Variants in PCDHGB1 observed in about 807,000 individuals in gnomAD.
PCDHGB1 encodes the protein protocadherin gamma-B1.
PCDHGB1 carries 34 observed loss-of-function variants against 56.6 expected under a neutral mutation model. The observed-to-expected ratio is 0.60, with a 90% CI of 0.46 to 0.80. The LOEUF is 0.80. Ranked by LOEUF, PCDHGB1 falls within the 30% of genes least tolerant of loss-of-function variation. PCDHGB1 has a pLI of 0.00. For missense variants in PCDHGB1, 1,278 were observed against 1,204.6 expected (o/e 1.06, Z -0.90); for synonymous variants, 561 against 505.9 (o/e 1.11, Z -1.46).
intron 1 of PCDHGB1, chr5:141,372,537 C>T: frequency 1.2e-6 from 2 of 1,614,046 alleles, no homozygotes; most frequent in Non-Finnish European, 1.7e-6. Flanking sequence ...CTCCCTGCGC[C>T]TGCGATGCTC....
intron 1 of PCDHGB1, chr5:141,366,800 C>G (rs1243230147): frequency 1.3e-6 from 2 of 1,565,118 alleles, no homozygotes; most frequent in African/African-American, 2.7e-5. Flanking sequence ...TCATTTGTTT[C>G]CTTTTTCATG....
intron 1 of PCDHGB1, among the ~76,000 whole-genome samples, chr5:141,426,099 G>A (rs1590666889): frequency 1.3e-5 from 2 of 152,348 alleles, no homozygotes; most frequent in African/African-American, 4.8e-5. Context: ...ATTCTGTTCA[G>A]TCACAGAAGC....
At position 141,388,141 on chromosome 5, in the gene PCDHGB1, T is replaced by C. The variant is rs1239201119; in HGVS notation, c.2409+35472T>C. On this transcript the variant is annotated intron_variant, in intron 1 of 3. Transcript: ENST00000523390. ...AGCGCAGAGAGCGGGGAGTTGCTTG[T>C]GAGCAGCAGGCTAGACAGGGAGGAG... 6.9e-7 allele frequency: 1 copy of C among 1,456,446 alleles called. No individual in the cohort carries two copies. The highest frequency in any genetic ancestry group is 2.3e-4 in the Middle Eastern group (1 of 4,348). The allele number at this position is 1,456,446 out of a possible 1,614,324, so 90.2% of individuals were successfully genotyped here. A position where few individuals can be genotyped will look rare whatever the true frequency, so the allele number is the denominator to read the frequency against.
intron 1 of PCDHGB1, among the ~76,000 whole-genome samples, chr5:141,463,911 T>C (rs749224024): frequency 6.6e-6 from 1 of 152,156 alleles, no homozygotes; most frequent in African/African-American, 2.4e-5. Context: ...TAATAATATA[T>C]CCTGGAAATC....
At position 141,403,830 on chromosome 5, in the gene PCDHGB1, A is replaced by G. The variant is rs763794433; in HGVS notation, c.2409+51161A>G. On this transcript the variant is annotated intron_variant, in intron 1 of 3. Coordinates refer to ENST00000523390, the MANE Select transcript of PCDHGB1 (RefSeq NM_018922.3). ...AATGAAAAACAATCTCTGCTATTCC[A>G]GCTTAATGAAAATACTGGGGAAATA... The G allele has an allele frequency of 3.7e-6, 6 of 1,613,754 alleles. No individual in the cohort carries two copies. In the Admixed American group the frequency reaches 5.0e-5, roughly 13 times the overall value.
In PCDHGB1 at chr5:141,511,032, G is replaced by A; in HGVS notation, c.2643G>A (p.Gln881=). 1.2e-6 allele frequency: 2 copies of A among 1,614,228 alleles called. No homozygotes were observed. The highest frequency in any genetic ancestry group is 2.2e-5 in the East Asian group (1 of 44,888). The change falls in exon 4 of 4, where the codon CAG becomes CAA. Residue 881 remains glutamine, a synonymous_variant. Transcript: ENST00000523390. Reference sequence around the variant, plus strand: ...GCTACGGACCCCAGTTCACCCTGCAGCACGTGCCCGACTACCGCCAGAATG... The same window carrying A: ...GCTACGGACCCCAGTTCACCCTGCAACACGTGCCCGACTACCGCCAGAATG... ...SARYGPQFTL[Q]HVPDYRQNVY...
In PCDHGB1 at chr5:141,421,624, A is replaced by G; in HGVS notation, c.2409+68955A>G. On this transcript the variant is annotated intron_variant, in intron 1 of 3. Transcript: ENST00000523390. ...AATAGATATTAATGATAACGCCCCC[A>G]GCTTCCAGGAGGACGAAGTGGAGAT... 2.5e-6 allele frequency: 4 copies of G among 1,613,872 alleles called. No homozygotes were observed. The South Asian group carries it at 3.3e-5, about 13-fold the overall frequency.
intron 1 of PCDHGB1, chr5:141,399,397 G>C: frequency 1.2e-6 from 2 of 1,613,940 alleles, no homozygotes; most frequent in Non-Finnish European, 8.5e-7. Context: ...CACAGACAGG[G>C]GCAAGCCGCC....
intron 1 of PCDHGB1, chr5:141,372,254 C>A (rs776276298): frequency 5.6e-6 from 9 of 1,612,978 alleles, no homozygotes; most frequent in Admixed American, 1.7e-5. Flanking sequence ...TCAGCCTGGG[C>A]CTGCGCACGG....
intron 1 of PCDHGB1, among the ~76,000 whole-genome samples, chr5:141,457,594 TA>T (rs1239366532): frequency 6.6e-6 from 1 of 152,250 alleles, no homozygotes; most frequent in Non-Finnish European, 1.5e-5. Flanking sequence ...TCATTTTTGG[TA>T]AAAACTAATT....
At chr5:141,443,328 A>C (rs569134076) in intron 1 of PCDHGB1, among the ~76,000 whole-genome samples, 24 of 151,794 alleles carry the variant, frequency 1.6e-4, no homozygotes, top group African/African-American at 4.8e-4. Context: ...AAAAAAAAAA[A>C]ACAAAAATTA....
chr5:141,361,550 C>T (rs749597862), intron 1 of PCDHGB1: 3 of 1,614,060 alleles, frequency 1.9e-6, no homozygotes, highest in Non-Finnish European at 2.5e-6. Flanking sequence ...GCCTCTATCG[C>T]TCAAATCAGT....
chr5:141,399,794 C>G, intron 1 of PCDHGB1: 1 of 1,613,268 alleles, frequency 6.2e-7, no homozygotes, highest in South Asian at 1.1e-5. Flanking sequence ...GACAACGCAC[C>G]GCGGGTGCTG....
At chr5:141,414,245 T>A in intron 1 of PCDHGB1, 2 of 1,613,498 alleles carry the variant, frequency 1.2e-6, no homozygotes, top group Non-Finnish European at 1.7e-6. Context: ...ACGTCTCTAT[T>A]TAGTCCAGTG....
In PCDHGB1 at chr5:141,351,461, G is replaced by GTGAT. The variant is rs1395703699; in HGVS notation, c.1204_1207dup (p.Ala403AspfsTer58). The GTGAT allele has an allele frequency of 6.2e-7, 1 of 1,613,452 alleles. No homozygotes were observed. ...CACCTCGAAGAATTATTACAAGCTG[G>GTGAT]TGATTGCTGGAGCCCTAAACCGGGA... On this transcript the variant is annotated frameshift_variant, in exon 1 of 4. Transcript: ENST00000523390. LOFTEE classifies it high-confidence loss of function.
intron 1 of PCDHGB1, among the ~76,000 whole-genome samples, chr5:141,447,378 T>C (rs2098536967): frequency 6.6e-6 from 1 of 152,148 alleles, no homozygotes; most frequent in Non-Finnish European, 1.5e-5. Context: ...ACCCTGGTGA[T>C]CTGCCCACCT....
Position 141,432,485 on chromosome 5 carries a change from G to C in PCDHGB1, c.2410-62322G>C. 6.2e-7 allele frequency: 1 copy of C among 1,614,186 alleles called. No individual in the cohort carries two copies. The highest frequency in any genetic ancestry group is 8.5e-7 in the Non-Finnish European group (1 of 1,180,040). On this transcript the variant is annotated intron_variant, in intron 1 of 3. Coordinates refer to ENST00000523390, the MANE Select transcript of PCDHGB1 (RefSeq NM_018922.3). The surrounding 1 kb of genome is among the most constrained non-coding windows in gnomAD (Gnocchi z 6.0). ...CCCCACGGACGGTTCCACTGGCGTG[G>C]AGCTGGCTCCCCGCTCCGCAGAGCC...
chr5:141,403,256 T>G, intron 1 of PCDHGB1: 3 of 1,613,854 alleles, frequency 1.9e-6, no homozygotes, highest in Non-Finnish European at 2.5e-6. Flanking sequence ...GAGCCCGCGG[T>G]GTCTGGTGAA....
intron 1 of PCDHGB1, chr5:141,373,926 G>A: frequency 1.5e-6 from 1 of 662,052 alleles, no homozygotes; most frequent in Non-Finnish European, 2.3e-6. Flanking sequence ...AAATTAGACG[G>A]GAAAGCAGGA....
Sources: allele counts gnomAD v4.1 joint callset (sites outside exome capture counted in the v4.1 genomes callset), GRCh38; gene constraint gnomAD v4.1.1; non-coding constraint Gnocchi (gnomAD v3.1); transcripts MANE v1.5; gene names NCBI Gene and HGNC (gene_info 2026-07-23, HGNC 2026-07-21).